The following CDH12 variants were observed in gnomAD, a reference collection of about 807,000 sequenced individuals.
The protein encoded by CDH12 is cadherin 12.
A neutral mutation model predicts 74.1 loss-of-function variants in CDH12; 41 were observed. The observed-to-expected ratio is 0.55, with a 90% CI of 0.43 to 0.72. The LOEUF (loss-of-function observed/expected upper bound fraction) is 0.72. Among genes scored for constraint, CDH12 ranks in the 30% least tolerant of loss-of-function variants. The pLI is 0.00. For synonymous variants in CDH12, 399 were observed against 355.0 expected, an observed-to-expected ratio of 1.12 and a Z score of -1.39; for missense variants, 945 against 977.2, an observed-to-expected ratio of 0.97 and a Z score of 0.44.
intron 1 of CDH12, among the ~76,000 whole-genome samples, chr5:22,836,203 T>TTTTTTCTTTC (rs1736809216): frequency 1.4e-4 from 7 of 48,778 alleles, no homozygotes; most frequent in Non-Finnish European, 3.2e-4. Context: ...GTGCTTTTTT[T>TTTTTTCTTTC]TCTTTTTTTC....
rs80197374 is a variant in CDH12 at position 22,720,147 on chromosome 5, C to T, written c.-523+132911G>A. 6.9e-3 allele frequency among the ~76,000 whole-genome samples: 1,042 copies of T among 152,098 alleles called. 13 individuals carry two copies. The highest frequency in any genetic ancestry group is 0.024 in the African/African-American group (991 of 41,486). On this transcript the variant is annotated intron_variant, in intron 1 of 14. Coordinates refer to ENST00000382254, the MANE Select transcript of CDH12 (RefSeq NM_004061.5). ...TCAAATCTTATCTCAAATTGTAACC[C>T]CTATGTGTTGAAGGAGGGACCCGGT...
At chr5:21,994,817 C>T (rs963152500) in intron 5 of CDH12, among the ~76,000 whole-genome samples, 40 of 152,188 alleles carry the variant, frequency 2.6e-4, no homozygotes, top group African/African-American at 9.2e-4. Context: ...TGTAAACACA[C>T]CAATCAGTAC....
chr5:22,026,690 T>A (rs1328709743), intron 5 of CDH12, among the ~76,000 whole-genome samples: 1 of 152,162 alleles, frequency 6.6e-6, no homozygotes, highest in East Asian at 1.9e-4. Flanking sequence ...TTCATTATAC[T>A]TATCCATATA....
At chr5:22,231,279 A>T (rs565996428) in intron 3 of CDH12, among the ~76,000 whole-genome samples, 12 of 152,118 alleles carry the variant, frequency 7.9e-5, no homozygotes, top group Non-Finnish European at 1.5e-4. Context: ...ATTAAACCAC[A>T]TATATTGGCT....
intron 1 of CDH12, among the ~76,000 whole-genome samples, chr5:22,795,177 TA>T (rs1425995170): frequency 1.3e-5 from 2 of 152,120 alleles, no homozygotes; most frequent in Admixed American, 1.3e-4. Flanking sequence ...ACCTTGAAGC[TA>T]AACAAACAAA....
chr5:21,755,695 G>C lies in CDH12; in HGVS notation c.1781C>G (p.Ser594Cys). The C allele has an allele frequency of 6.2e-7, 1 of 1,614,112 alleles. No individual in the cohort carries two copies. Residue 594 changes from serine to cysteine, a missense_variant, in exon 14 of 15, where the codon TCT becomes TGT. This residue lies in a region of CDH12 where 791 missense variants were observed against 792.8 expected (regional missense o/e 1.00). Transcript: ENST00000382254. ...ATTACAAGACAGGATGGTGCCATCAGAGTCACATCTACAGACTCGAATAGT... is the reference window on the plus strand; with the variant it reads ...ATTACAAGACAGGATGGTGCCATCACAGTCACATCTACAGACTCGAATAGT... ...TMTIRVCRCD[S>C]DGTILSCNVE...
At chr5:22,724,553 A>C (rs901456427) in intron 1 of CDH12, among the ~76,000 whole-genome samples, 2 of 151,906 alleles carry the variant, frequency 1.3e-5, no homozygotes, top group Non-Finnish European at 2.9e-5. Flanking sequence ...TTGCTGCAAA[A>C]GACATTATTT....
intron 1 of CDH12, among the ~76,000 whole-genome samples, chr5:22,795,883 G>C (rs1201584682): frequency 6.6e-6 from 1 of 152,032 alleles, no homozygotes; most frequent in African/African-American, 2.4e-5. Flanking sequence ...ATTATAAAGT[G>C]AGACTGAGGA....
At chr5:22,093,541 G>T (rs564882994) in intron 4 of CDH12, among the ~76,000 whole-genome samples, 1 of 152,150 alleles carries the variant, frequency 6.6e-6, no homozygotes, top group Non-Finnish European at 1.5e-5. Flanking sequence ...TTATATGATT[G>T]TTATTTATAT....
intron 6 of CDH12, among the ~76,000 whole-genome samples, chr5:21,861,260 G>A (rs1751030016): frequency 6.6e-6 from 1 of 151,382 alleles, no homozygotes; most frequent in Non-Finnish European, 1.5e-5. Context: ...CCACTAACCT[G>A]TATTTCAGTT....
At chr5:22,743,280 ATG>A (rs1491097006) in intron 1 of CDH12, among the ~76,000 whole-genome samples, 164 of 137,216 alleles carry the variant, frequency 1.2e-3, no homozygotes, top group African/African-American at 3.8e-3. Flanking sequence ...ATATATATAT[ATG>A]TATATATATG....
At chr5:22,253,306 T>C (rs951518285) in intron 3 of CDH12, among the ~76,000 whole-genome samples, 2 of 151,962 alleles carry the variant, frequency 1.3e-5, no homozygotes, top group Admixed American at 1.3e-4. Flanking sequence ...TGTATCATGA[T>C]TTAGCTTTAG....
intron 1 of CDH12, among the ~76,000 whole-genome samples, chr5:22,529,506 T>C (rs764930581): frequency 3.3e-5 from 5 of 152,086 alleles, no homozygotes; most frequent in Non-Finnish European, 1.5e-5. Context: ...ATCCACTTAC[T>C]TTGGGGAGAG....
At chr5:21,916,688 T>C (rs200260246) in intron 6 of CDH12, among the ~76,000 whole-genome samples, 2 of 151,234 alleles carry the variant, frequency 1.3e-5, no homozygotes, top group Non-Finnish European at 3.0e-5. Flanking sequence ...GAGTGGCTGG[T>C]GGATTGAAGA....
chr5:21,881,740 A>C (rs1752365530), intron 6 of CDH12, among the ~76,000 whole-genome samples: 1 of 152,192 alleles, frequency 6.6e-6, no homozygotes, highest in South Asian at 2.1e-4. Flanking sequence ...ATGGATCTGC[A>C]TATATAATTT....
intron 4 of CDH12, among the ~76,000 whole-genome samples, chr5:22,098,312 G>A (rs964296276): frequency 7.5e-5 from 11 of 146,702 alleles, no homozygotes; most frequent in South Asian, 6.2e-4. Context: ...CATGCTGATC[G>A]TGTCCAGCTA....
chr5:21,788,800 C>A (rs1437829732), intron 10 of CDH12, among the ~76,000 whole-genome samples: 3 of 152,066 alleles, frequency 2.0e-5, no homozygotes, highest in African/African-American at 7.2e-5. Flanking sequence ...CACAGACATG[C>A]ACTTCATACA....
intron 1 of CDH12, among the ~76,000 whole-genome samples, chr5:22,508,443 C>T (rs1300646455): frequency 6.6e-6 from 1 of 152,188 alleles, no homozygotes; most frequent in African/African-American, 2.4e-5. Flanking sequence ...GCAAAGCTGT[C>T]CTTCCTGGTG....
At chr5:22,287,708 G>A (rs1397820283) in intron 3 of CDH12, among the ~76,000 whole-genome samples, 1 of 110,928 alleles carries the variant, frequency 9.0e-6, no homozygotes, top group Non-Finnish European at 1.7e-5. Context: ...GGGCTAAAAA[G>A]CGGGACTCCG....
Sources: allele counts gnomAD v4.1 joint callset (sites outside exome capture counted in the v4.1 genomes callset), GRCh38; gene constraint gnomAD v4.1.1; regional missense constraint gnomAD v4.1.1; transcripts MANE v1.5; gene names NCBI Gene and HGNC (gene_info 2026-07-23, HGNC 2026-07-21).